NXN: variants seen among roughly 807,000 people sequenced by gnomAD.
NXN encodes the protein nucleoredoxin.
Under a neutral mutation model 48.6 loss-of-function variants are expected in NXN, and 16 were observed. The ratio of observed to expected loss-of-function variants is 0.33; its 90% confidence interval spans 0.22 to 0.50. The LOEUF (loss-of-function observed/expected upper bound fraction) is 0.50, where lower values mean the gene tolerates loss of function less well. NXN is among the 20% of genes least tolerant of loss of function. The probability of loss-of-function intolerance (pLI) is 0.98; values close to 1 mark genes in which losing one functional copy is unlikely to be tolerated. For missense variants in NXN, 492 were observed against 605.5 expected (o/e 0.81, Z 1.97); for synonymous variants, 281 against 269.6 (o/e 1.04, Z -0.41).
chr17:808,059 G>T (rs556971922), intron 5 of NXN, among the ~76,000 whole-genome samples: 5 of 152,270 alleles, frequency 3.3e-5, no homozygotes, highest in Admixed American at 6.5e-5. Context: ...ACAGGACCCT[G>T]ATCCACCTGT....
chr17:938,412 C>T (rs1210320158), intron 1 of NXN, among the ~76,000 whole-genome samples: 1 of 152,226 alleles, frequency 6.6e-6, no homozygotes, highest in South Asian at 2.1e-4. Flanking sequence ...CCGGGCGCGG[C>T]GGCTCACGCC....
chr17:919,916 G>A lies in NXN; in HGVS notation c.360+59403C>T, dbSNP rs770416951. On this transcript the variant is annotated intron_variant, in intron 1 of 7. Coordinates refer to ENST00000336868, the MANE Select transcript of NXN (RefSeq NM_022463.5). The surrounding 1 kb of genome is among the most constrained non-coding windows in gnomAD (Gnocchi z 5.1). ...TATTCACTAACCCCCAGGCCATGGC[G>A]GAAAATGTACCTTCCATCTCTCTCT... Among the ~76,000 whole-genome samples the A allele has an allele frequency of 2.0e-4, 30 of 151,996 alleles. No homozygotes were observed. Among genetic ancestry groups the A allele is most frequent in the Non-Finnish European group, 3.7e-4 (25 of 68,006 alleles).
intron 5 of NXN, among the ~76,000 whole-genome samples, chr17:817,591 C>T (rs1597625015): frequency 6.6e-6 from 1 of 151,630 alleles, no homozygotes; most frequent in East Asian, 1.9e-4. Context: ...ATGGCGTGAA[C>T]CCGGGAGGCG....
chr17:979,697 G>T lies in NXN; in HGVS notation c.-19C>A. 1.4e-6 allele frequency: 2 copies of T among 1,398,186 alleles called. No homozygotes were observed. The highest frequency in any genetic ancestry group is 1.9e-6 in the Non-Finnish European group (2 of 1,074,164). The allele number at this position is 1,398,186 out of a possible 1,614,324, so 86.6% of individuals were successfully genotyped here. On this transcript the variant is annotated 5_prime_UTR_variant, in exon 1 of 8. Coordinates refer to ENST00000336868, the MANE Select transcript of NXN (RefSeq NM_022463.5). The stretch of plus-strand genomic sequence containing the variant: ...CCGACATCCTGGCCCACCGCAGGGC[G>T]GGCAGGCGGCTGCGACCCCGCTCCA...
At position 801,498 on chromosome 17, in the gene NXN, T is replaced by C. The variant is rs1026906345; in HGVS notation, c.1126-367A>G. ...TCTCGCTCTGTCACCCAGGCTGGAG[T>C]GCAGTGGCACGATCTCGGCTCACTG... On this transcript the variant is annotated intron_variant, in intron 7 of 7. Transcript: ENST00000336868. Among the ~76,000 whole-genome samples, 54 of 144,748 alleles carry C rather than the reference T, an allele frequency of 3.7e-4. 3 individuals are homozygous for C. Among genetic ancestry groups the C allele is most frequent in the Admixed American group, 7.5e-5 (1 of 13,304 alleles). The allele number at this position is 144,748 out of a possible 152,430, so 95.0% of individuals were successfully genotyped here. A position where few individuals can be genotyped will look rare whatever the true frequency, so the allele number is the denominator to read the frequency against.
Position 976,768 on chromosome 17 carries a change from CT to C in NXN, c.360+2550del, listed in dbSNP as rs397962595. 9.3e-3 allele frequency among the ~76,000 whole-genome samples: 1,322 copies of C among 142,222 alleles called. 9 individuals carry two copies. Among genetic ancestry groups the C allele is most frequent in the South Asian group, 0.045 (199 of 4,434 alleles). 93.3% of individuals were successfully genotyped at this position (142,222 alleles called of 152,430 possible). A position where few individuals can be genotyped will look rare whatever the true frequency, so the allele number is the denominator to read the frequency against. On this transcript the variant is annotated intron_variant, in intron 1 of 7. Transcript: ENST00000336868. ...TTGGTTTCAAGGGGGAAAATAATTCCTTTTTTTTTTTTTTTGAGACAGAGTT... is the reference window on the plus strand; with the variant it reads ...TTGGTTTCAAGGGGGAAAATAATTCCTTTTTTTTTTTTTTGAGACAGAGTT...
chr17:904,269 G>A (rs375323270), intron 1 of NXN, among the ~76,000 whole-genome samples: 187 of 147,202 alleles, frequency 1.3e-3, no homozygotes, highest in East Asian at 5.3e-3. Context: ...TGCGGAGAGC[G>A]GGACCTGCGG....
intron 1 of NXN, among the ~76,000 whole-genome samples, chr17:929,031 T>C (rs1239956463): frequency 1.3e-5 from 2 of 152,228 alleles, no homozygotes; most frequent in Non-Finnish European, 2.9e-5. Flanking sequence ...AATTAGTGAA[T>C]GGCATATGTG....
chr17:888,679 G>A (rs1025402926), intron 1 of NXN, among the ~76,000 whole-genome samples: 3 of 151,988 alleles, frequency 2.0e-5, no homozygotes, highest in African/African-American at 7.3e-5. Flanking sequence ...CAGAGGCCAG[G>A]TGTGGTGGCT....
intron 1 of NXN, among the ~76,000 whole-genome samples, chr17:837,826 C>G (rs777441711): frequency 7.9e-5 from 12 of 152,226 alleles, no homozygotes; most frequent in Non-Finnish European, 1.3e-4. Context: ...CGTCACCAAC[C>G]TATGAGAATT....
At chr17:936,091 C>CA (rs71371597) in intron 1 of NXN, among the ~76,000 whole-genome samples, 1,901 of 61,566 alleles carry the variant, frequency 0.031, 102 homozygotes, top group African/African-American at 0.098. Context: ...GATTCCATCT[C>CA]AAAAAAAAAA....
chr17:826,814 C>T (rs544781386), intron 1 of NXN, among the ~76,000 whole-genome samples: 2 of 152,314 alleles, frequency 1.3e-5, no homozygotes, highest in East Asian at 3.9e-4. Flanking sequence ...GCGTAAAACA[C>T]GCTTCAGTCT....
intron 1 of NXN, among the ~76,000 whole-genome samples, chr17:841,919 C>T (rs1488653623): frequency 6.6e-6 from 1 of 152,166 alleles, no homozygotes; most frequent in Non-Finnish European, 1.5e-5. Flanking sequence ...GGCGGATCAC[C>T]TGAGCTCAGG....
At chr17:805,532 G>A (rs1251456978) in intron 5 of NXN, among the ~76,000 whole-genome samples, 2 of 152,178 alleles carry the variant, frequency 1.3e-5, no homozygotes, top group Non-Finnish European at 2.9e-5. Context: ...GTGTGTTGTC[G>A]TTCCTACCTT....
At chr17:882,943 A>G (rs2068301993) in intron 1 of NXN, among the ~76,000 whole-genome samples, 2 of 152,140 alleles carry the variant, frequency 1.3e-5, no homozygotes, top group East Asian at 1.9e-4. Flanking sequence ...TAGTAGACAC[A>G]GGGTTTCACC....
intron 7 of NXN, among the ~76,000 whole-genome samples, chr17:803,025 G>C (rs998607349): frequency 6.6e-6 from 1 of 152,208 alleles, no homozygotes; most frequent in African/African-American, 2.4e-5. Flanking sequence ...GCCTGCACCT[G>C]TGCTGAGTCG....
intron 1 of NXN, among the ~76,000 whole-genome samples, chr17:833,537 C>T (rs556374807): frequency 1.1e-4 from 16 of 152,268 alleles, no homozygotes; most frequent in African/African-American, 3.6e-4. Flanking sequence ...TTCAAAATGC[C>T]TCTGAAAACA....
At chr17:847,157 C>G (rs919533858) in intron 1 of NXN, among the ~76,000 whole-genome samples, 1 of 151,994 alleles carries the variant, frequency 6.6e-6, no homozygotes, top group Non-Finnish European at 1.5e-5. Flanking sequence ...CCTGTCCCCC[C>G]GCGGAGCCAC....
At chr17:841,211 T>C (rs946889560) in intron 1 of NXN, among the ~76,000 whole-genome samples, 3 of 152,206 alleles carry the variant, frequency 2.0e-5, no homozygotes, top group Non-Finnish European at 4.4e-5. Context: ...ACTTCTCATG[T>C]GGGCCCTTCC....
Sources: allele counts gnomAD v4.1 joint callset (sites outside exome capture counted in the v4.1 genomes callset), GRCh38; gene constraint gnomAD v4.1.1; non-coding constraint Gnocchi (gnomAD v3.1); transcripts MANE v1.5; gene names NCBI Gene and HGNC (gene_info 2026-07-23, HGNC 2026-07-21).